KDM4C: variants seen among roughly 807,000 people sequenced by gnomAD.
KDM4C encodes lysine-specific demethylase 4C.
Under a neutral mutation model 129.3 loss-of-function variants are expected in KDM4C, and 81 were observed. The observed-to-expected ratio is 0.63, with a 90% confidence interval of 0.52 to 0.75. The LOEUF (loss-of-function observed/expected upper bound fraction) is 0.75, where lower values mean the gene tolerates loss of function less well. Ranked by LOEUF, KDM4C falls within the 30% of genes least tolerant of loss-of-function variation. KDM4C has a pLI of 0.00. For missense variants in KDM4C, 1,457 were observed against 1,304.0 expected (o/e 1.12, Z -1.81); for synonymous variants, 573 against 456.1 (o/e 1.26, Z -3.26).
intron 17 of KDM4C, among the ~76,000 whole-genome samples, chr9:7,071,172 A>AAG (rs1833143633): frequency 1.3e-5 from 2 of 152,206 alleles, no homozygotes; most frequent in African/African-American, 4.8e-5. Context: ...AGAATAGCTA[A>AAG]ATAAGTAGAA....
intron 6 of KDM4C, among the ~76,000 whole-genome samples, chr9:6,881,075 C>T (rs79961471): frequency 2.6e-5 from 4 of 152,280 alleles, no homozygotes; most frequent in African/African-American, 4.8e-5. Flanking sequence ...TTAGGTTTGC[C>T]TTCTATTAGG....
intron 1 of KDM4C, among the ~76,000 whole-genome samples, chr9:6,728,771 G>A (rs1287332910): frequency 1.3e-5 from 2 of 151,784 alleles, no homozygotes; most frequent in Non-Finnish European, 2.9e-5. Flanking sequence ...GCCTGAACCC[G>A]GGAAGCAGAG....
intron 8 of KDM4C, among the ~76,000 whole-genome samples, chr9:6,973,255 C>G (rs111625665): frequency 0.082 from 12,447 of 152,224 alleles, 1,048 homozygotes; most frequent in African/African-American, 0.2. Flanking sequence ...GTTGCCCAGG[C>G]TGCTCTTGAA....
rs140781430 is a variant in KDM4C at position 7,044,978 on chromosome 9, C to T, written c.2260-1884C>T. ...GAAGGATCAACAGTGTTGTATGGTGCTAAGAGGTCAGGTGAACCAAGGACT... is the reference window on the plus strand; with the variant it reads ...GAAGGATCAACAGTGTTGTATGGTGTTAAGAGGTCAGGTGAACCAAGGACT... On this transcript the variant is annotated intron_variant, in intron 15 of 21. Coordinates refer to ENST00000381309, the MANE Select transcript of KDM4C (RefSeq NM_015061.6). Among the ~76,000 whole-genome samples, 22 of 151,942 alleles carry T rather than the reference C, an allele frequency of 1.4e-4. No individual in the cohort carries two copies. In the East Asian group the frequency reaches 4.1e-3, roughly 28 times the overall value.
chr9:6,736,918 G>A (rs1013732811), intron 1 of KDM4C, among the ~76,000 whole-genome samples: 6 of 151,876 alleles, frequency 4.0e-5, no homozygotes, highest in African/African-American at 1.4e-4. Context: ...GGGCATGGGG[G>A]CACACACATG....
chr9:7,018,442 G>A (rs577887102), intron 15 of KDM4C, among the ~76,000 whole-genome samples: 1 of 152,142 alleles, frequency 6.6e-6, no homozygotes, highest in African/African-American at 2.4e-5. Context: ...TTCTAATCTT[G>A]ACCATACAAA....
intron 5 of KDM4C, among the ~76,000 whole-genome samples, chr9:6,859,524 C>G (rs1191177533): frequency 1.5e-5 from 2 of 133,472 alleles, no homozygotes; most frequent in Non-Finnish European, 3.2e-5. Flanking sequence ...ACACAGACGA[C>G]AGATGTCTCA....
chr9:6,749,635 T>G (rs1588064429), intron 1 of KDM4C, among the ~76,000 whole-genome samples: 2 of 151,894 alleles, frequency 1.3e-5, no homozygotes, highest in South Asian at 2.1e-4. Context: ...ACCACTGCAT[T>G]TCAGCCTGGA....
At chr9:7,044,763 A>T (rs561057952) in intron 15 of KDM4C, among the ~76,000 whole-genome samples, 5 of 151,972 alleles carry the variant, frequency 3.3e-5, no homozygotes, top group Non-Finnish European at 7.4e-5. Context: ...AGTGATCGGA[A>T]TCAGGGTAGT....
At chr9:6,771,692 T>C (rs1821878352) in intron 1 of KDM4C, among the ~76,000 whole-genome samples, 1 of 152,196 alleles carries the variant, frequency 6.6e-6, no homozygotes, top group Non-Finnish European at 1.5e-5. Context: ...GTCCTTCTGA[T>C]AGGACTAAAT....
chr9:6,965,234 T>G (rs1048526761), intron 8 of KDM4C, among the ~76,000 whole-genome samples: 1 of 151,268 alleles, frequency 6.6e-6, no homozygotes, highest in Non-Finnish European at 1.5e-5. Flanking sequence ...ACAAGGCAAA[T>G]TGCAAAGAAA....
intron 17 of KDM4C, among the ~76,000 whole-genome samples, chr9:7,060,354 C>G (rs888040470): frequency 3.3e-5 from 5 of 151,380 alleles, no homozygotes; most frequent in Non-Finnish European, 7.4e-5. Flanking sequence ...TAATTTGAAA[C>G]TGTTAACTGT....
chr9:6,856,041 C>T (rs1458115056), intron 5 of KDM4C, among the ~76,000 whole-genome samples: 1 of 152,104 alleles, frequency 6.6e-6, no homozygotes, highest in South Asian at 2.1e-4. Flanking sequence ...ATTCCTGGCC[C>T]CACCAGTCTT....
intron 1 of KDM4C, among the ~76,000 whole-genome samples, chr9:6,778,118 C>G (rs1245347271): frequency 1.2e-4 from 18 of 147,334 alleles, no homozygotes; most frequent in Non-Finnish European, 2.5e-4. Context: ...GAGACAGAGT[C>G]TTGCTCTGTC....
intron 3 of KDM4C, among the ~76,000 whole-genome samples, chr9:6,807,122 G>A (rs1425506965): frequency 1.3e-5 from 2 of 152,038 alleles, no homozygotes; most frequent in African/African-American, 4.8e-5. Flanking sequence ...GCCCCTAACC[G>A]CGAGTGATCC....
chr9:7,034,965 T>C (rs1459493648), intron 15 of KDM4C, among the ~76,000 whole-genome samples: 1 of 152,218 alleles, frequency 6.6e-6, no homozygotes, highest in African/African-American at 2.4e-5. Context: ...CATTTGTATG[T>C]ATTTTGTGAA....
intron 8 of KDM4C, among the ~76,000 whole-genome samples, chr9:6,943,674 CAAA>C (rs33979464): frequency 7.9e-6 from 1 of 125,990 alleles, no homozygotes. Flanking sequence ...AATCTTGTCT[CAAA>C]AAAAAAAAAA....
chr9:6,867,830 C>T (rs1842285041), intron 5 of KDM4C, among the ~76,000 whole-genome samples: 1 of 152,140 alleles, frequency 6.6e-6, no homozygotes, highest in African/African-American at 2.4e-5. Context: ...TAGCCCCTCC[C>T]CTGCACTTCC....
chr9:6,934,215 C>T (rs1824291186), intron 8 of KDM4C, among the ~76,000 whole-genome samples: 1 of 151,784 alleles, frequency 6.6e-6, no homozygotes, highest in African/African-American at 2.4e-5. Context: ...GGCGCGGGGT[C>T]TCACGCCGGT....
Sources: gnomAD v4.1 joint callset for allele counts (sites outside exome capture counted in the v4.1 genomes callset) on GRCh38, gnomAD v4.1.1 for gene constraint, MANE v1.5 for transcripts, NCBI Gene and HGNC (gene_info 2026-07-23, HGNC 2026-07-21) for gene names.